The following LARGE1 variants were observed in gnomAD, a reference collection of about 807,000 sequenced individuals.
LARGE1 encodes the protein LARGE xylosyl- and glucuronyltransferase 1.
A neutral mutation model predicts 87.6 loss-of-function variants in LARGE1; 43 were observed. That is an observed-to-expected ratio of 0.49 (90% CI 0.38 to 0.63). The LOEUF is 0.63. LARGE1 is among the 30% of genes least tolerant of loss of function. The pLI is 0.00. For synonymous variants in LARGE1, 434 were observed against 394.6 expected (o/e 1.10, Z -1.18); for missense variants, 802 against 1,000.2 (o/e 0.80, Z 2.67).
intron 5 of LARGE1, among the ~76,000 whole-genome samples, chr22:33,566,656 G>A (rs2078036164): frequency 6.6e-6 from 1 of 152,168 alleles, no homozygotes; most frequent in African/African-American, 2.4e-5. Flanking sequence ...TGCCGCTGCT[G>A]GCTGGGGTGG....
chr22:33,722,185 G>A (rs768610885), intron 2 of LARGE1, among the ~76,000 whole-genome samples: 16 of 151,758 alleles, frequency 1.1e-4, no homozygotes, highest in African/African-American at 2.7e-4. Context: ...CCTGGGAGGC[G>A]GAGGTTGCAA....
chr22:33,268,275 C>T (rs1928058622), downstream of LARGE1, among the ~76,000 whole-genome samples: 1 of 150,410 alleles, frequency 6.6e-6, no homozygotes, highest in South Asian at 2.1e-4. Context: ...AAAATTCTTA[C>T]ATCGCCGTTT....
intron 6 of LARGE1, among the ~76,000 whole-genome samples, chr22:33,441,263 G>A (rs1422717446): frequency 6.6e-6 from 1 of 151,642 alleles, no homozygotes; most frequent in Non-Finnish European, 1.5e-5. Context: ...TAGTAGAGAC[G>A]AGATTTCATC....
chr22:33,581,811 C>CAAA (rs130418), intron 5 of LARGE1, among the ~76,000 whole-genome samples: 11 of 77,376 alleles, frequency 1.4e-4, no homozygotes, highest in Admixed American at 2.8e-4. Context: ...AACTCCGTCT[C>CAAA]AAAAAAAAAA....
chr22:33,751,649 A>C (rs2084320299), intron 2 of LARGE1, among the ~76,000 whole-genome samples: 1 of 152,134 alleles, frequency 6.6e-6, no homozygotes, highest in African/African-American at 2.4e-5. Context: ...CCTGTTTTTG[A>C]ACTTGGTATA....
intron 5 of LARGE1, 51 bp from the exon 6 acceptor site, chr22:33,565,070 T>C (rs1174512327): frequency 2.0e-6 from 3 of 1,538,144 alleles, no homozygotes; most frequent in African/African-American, 1.4e-5. Context: ...AAAAAATTGC[T>C]ATATTAATTC....
At chr22:33,455,162 T>C (rs540052271) in intron 6 of LARGE1, among the ~76,000 whole-genome samples, 94 of 152,310 alleles carry the variant, frequency 6.2e-4, no homozygotes, top group African/African-American at 2.2e-3. Flanking sequence ...TGGATGGCAA[T>C]AGATTGAGGC....
At chr22:33,877,815 G>A (rs187747404) in intron 1 of LARGE1, among the ~76,000 whole-genome samples, 2 of 151,920 alleles carry the variant, frequency 1.3e-5, no homozygotes, top group South Asian at 2.1e-4. Flanking sequence ...TCAGCTACTC[G>A]GGAGGCTGAG....
At chr22:33,432,709 C>A (rs963183959) in intron 6 of LARGE1, among the ~76,000 whole-genome samples, 1 of 152,116 alleles carries the variant, frequency 6.6e-6, no homozygotes, top group Non-Finnish European at 1.5e-5. Context: ...TTAATTTACT[C>A]GTTTTCTGGG....
rs559510956 is a variant in LARGE1 at position 33,293,783 on chromosome 22, T to A, written c.1731-10435A>T. 5.9e-5 allele frequency among the ~76,000 whole-genome samples: 9 copies of A among 152,318 alleles called. No individual in the cohort carries two copies. In the South Asian group the frequency reaches 1.9e-3, roughly 32 times the overall value. ...GGAACATGTGTACTGATCCTACATGTCACTGGCTTATACTGAGCCTCCTAT... is the reference window on the plus strand; with the variant it reads ...GGAACATGTGTACTGATCCTACATGACACTGGCTTATACTGAGCCTCCTAT... On this transcript the variant is annotated intron_variant, in intron 12 of 14. Coordinates refer to ENST00000397394, the MANE Select transcript of LARGE1 (RefSeq NM_133642.5).
rs1438026017 is a variant in LARGE1, at chr22:33,890,822, C to T, written c.-83+29173G>A. On this transcript the variant is annotated intron_variant, in intron 1 of 14. Transcript: ENST00000397394. ...GGCGGGGGGGTGCTGCCTCAGTTTCCCTAAAGCAACAAGCATTAGGCAGGT... is the reference window on the plus strand; with the variant it reads ...GGCGGGGGGGTGCTGCCTCAGTTTCTCTAAAGCAACAAGCATTAGGCAGGT... Among the ~76,000 whole-genome samples, 3 of 151,870 alleles carry T rather than the reference C, an allele frequency of 2.0e-5. No homozygotes were observed. The East Asian group carries it at 5.8e-4, about 29-fold the overall frequency.
chr22:33,837,454 C>G (rs1161641426), intron 1 of LARGE1, among the ~76,000 whole-genome samples: 1 of 152,122 alleles, frequency 6.6e-6, no homozygotes, highest in African/African-American at 2.4e-5. Context: ...CATGCATGCC[C>G]TAACATCTTC....
At chr22:33,163,212 G>A (rs1490080088) in exon 12 of LARGE1, 1 of 152,168 alleles carries the variant, frequency 6.6e-6, no homozygotes, top group Non-Finnish European at 1.5e-5. Flanking sequence ...GTCGCAGGTT[G>A]GAAAAGTGTG....
intron 3 of LARGE1, among the ~76,000 whole-genome samples, chr22:33,648,382 C>T (rs912433543): frequency 2.0e-5 from 3 of 152,090 alleles, no homozygotes; most frequent in African/African-American, 7.2e-5. Context: ...TTATTTTTCC[C>T]CTCCTCGATT....
intron 12 of LARGE1, among the ~76,000 whole-genome samples, chr22:33,293,392 G>C (rs572307355): frequency 1.7e-4 from 26 of 152,228 alleles, no homozygotes; most frequent in African/African-American, 6.3e-4. Context: ...AGTTCTGAGA[G>C]GTTAACAAGT....
At chr22:33,699,690 C>G (rs1452249013) in intron 2 of LARGE1, among the ~76,000 whole-genome samples, 3 of 152,010 alleles carry the variant, frequency 2.0e-5, no homozygotes, top group Non-Finnish European at 4.4e-5. Flanking sequence ...TAAAATATGA[C>G]AAAAACCCAA....
At chr22:33,864,457 T>C (rs952762303) in intron 1 of LARGE1, among the ~76,000 whole-genome samples, 20 of 152,212 alleles carry the variant, frequency 1.3e-4, no homozygotes, top group Admixed American at 3.9e-4. Context: ...GAAAGCTACA[T>C]AGGCAAGGTG....
intron 5 of LARGE1, among the ~76,000 whole-genome samples, chr22:33,603,580 A>G (rs1283469446): frequency 6.6e-6 from 1 of 152,222 alleles, no homozygotes; most frequent in African/African-American, 2.4e-5. Context: ...AAGTACGAAC[A>G]GGAGTTGTGG....
rs1353627313 is a variant in LARGE1 at position 33,536,915 on chromosome 22, G to A, written c.787+27933C>T. Among the ~76,000 whole-genome samples, 7 of 152,338 alleles carry A rather than the reference G, an allele frequency of 4.6e-5. No individual in the cohort carries two copies. The South Asian group carries it at 6.2e-4, about 14-fold the overall frequency. On this transcript the variant is annotated intron_variant, in intron 6 of 14. Transcript: ENST00000397394. The stretch of plus-strand genomic sequence containing the variant: ...CAACCTCTGCCTCCCGGGTTCAAGC[G>A]ATTTTCCTGCCTCAGCCTCCTGAGT...
Sources: gnomAD v4.1 joint callset for allele counts (sites outside exome capture counted in the v4.1 genomes callset) on GRCh38, gnomAD v4.1.1 for gene constraint, MANE v1.5 for transcripts, NCBI Gene and HGNC (gene_info 2026-07-23, HGNC 2026-07-21) for gene names.